Variants in VWC2L observed in about 807,000 individuals in gnomAD.
VWC2L encodes von Willebrand factor C domain-containing protein 2-like.
In VWC2L, 10 loss-of-function variants were observed where a neutral mutation model predicts 21.6. The ratio of observed to expected loss-of-function variants is 0.46; its 90% CI spans 0.29 to 0.78. VWC2L has a LOEUF of 0.78. Among genes scored for constraint, VWC2L ranks in the 30% least tolerant of loss-of-function variants. The probability of loss-of-function intolerance (pLI) is 0.10; values close to 1 mark genes in which losing one functional copy is unlikely to be tolerated. For missense variants in VWC2L, 209 were observed against 277.1 expected, an observed-to-expected ratio of 0.75 and a Z score of 1.74; for synonymous variants, 96 against 94.3, an observed-to-expected ratio of 1.02 and a Z score of -0.10.
intron 3 of VWC2L, among the ~76,000 whole-genome samples, chr2:214,518,022 C>A (rs1689172670): frequency 6.6e-6 from 1 of 152,096 alleles, no homozygotes; most frequent in Non-Finnish European, 1.5e-5. Flanking sequence ...AAAAATTAGC[C>A]AGGCGTAGTG....
At chr2:214,476,993 C>G (rs1306599728) in intron 3 of VWC2L, among the ~76,000 whole-genome samples, 2 of 152,110 alleles carry the variant, frequency 1.3e-5, no homozygotes, top group African/African-American at 4.8e-5. Context: ...ACTCAGGAAA[C>G]TAACTTTTAT....
intron 3 of VWC2L, among the ~76,000 whole-genome samples, chr2:214,467,963 T>C (rs529177939): frequency 6.6e-6 from 1 of 152,142 alleles, no homozygotes; most frequent in Admixed American, 6.5e-5. Context: ...CTGGGCAACA[T>C]AGTGAGACAT....
chr2:214,439,318 C>T (rs1291182111), intron 3 of VWC2L, among the ~76,000 whole-genome samples: 4 of 151,776 alleles, frequency 2.6e-5, no homozygotes, highest in Non-Finnish European at 5.9e-5. Context: ...CTTAAGTTTC[C>T]AACACATGAT....
intron 2 of VWC2L, among the ~76,000 whole-genome samples, chr2:214,424,255 A>G (rs6435825): frequency 0.051 from 7,711 of 152,248 alleles, 595 homozygotes; most frequent in African/African-American, 0.17. Context: ...GATTGTTCAT[A>G]AGGGTTTCAG....
intron 3 of VWC2L, among the ~76,000 whole-genome samples, chr2:214,481,368 CTA>C (rs1460819420): frequency 6.6e-6 from 1 of 152,160 alleles, no homozygotes; most frequent in East Asian, 1.9e-4. Flanking sequence ...TTATGAGAGA[CTA>C]TGTGGAGAAA....
rs1160746185 is a variant in VWC2L, at chr2:214,501,003, G to A, written c.520+64245G>A. Among the ~76,000 whole-genome samples, 3 of 152,090 alleles carry A rather than the reference G, an allele frequency of 2.0e-5. No homozygotes were observed. In the East Asian group the frequency reaches 5.8e-4, roughly 29 times the overall value. ...CCTATAAACAGCATCTCTCTTCCTTGAATTGAGAAATAAAATAACACAGTA... is the reference window on the plus strand; with the variant it reads ...CCTATAAACAGCATCTCTCTTCCTTAAATTGAGAAATAAAATAACACAGTA... On this transcript the variant is annotated intron_variant, in intron 3 of 3. Coordinates refer to ENST00000312504, the MANE Select transcript of VWC2L (RefSeq NM_001080500.4).
At chr2:214,539,007 G>T (rs557348574) in intron 3 of VWC2L, among the ~76,000 whole-genome samples, 2 of 152,214 alleles carry the variant, frequency 1.3e-5, no homozygotes, top group South Asian at 2.1e-4. Context: ...GATCTTCCTT[G>T]CATGAATGGA....
intron 3 of VWC2L, among the ~76,000 whole-genome samples, chr2:214,493,160 G>A (rs1490190825): frequency 2.0e-5 from 3 of 152,144 alleles, no homozygotes; most frequent in Non-Finnish European, 4.4e-5. Flanking sequence ...GAGAAAATTA[G>A]GCAAAATGTA....
At chr2:214,554,725 C>T (rs1689849167) in intron 3 of VWC2L, among the ~76,000 whole-genome samples, 1 of 152,088 alleles carries the variant, frequency 6.6e-6, no homozygotes, top group South Asian at 2.1e-4. Context: ...CAAGCACTCA[C>T]ATTAAAAGAG....
chr2:214,560,544 G>C (rs1458336853), intron 3 of VWC2L, among the ~76,000 whole-genome samples: 1 of 152,128 alleles, frequency 6.6e-6, no homozygotes, highest in Non-Finnish European at 1.5e-5. Flanking sequence ...CAAGGAACTA[G>C]GCAGTTTTCA....
At chr2:214,418,582 C>A (rs1258349260) in intron 2 of VWC2L, among the ~76,000 whole-genome samples, 1 of 152,154 alleles carries the variant, frequency 6.6e-6, no homozygotes, top group African/African-American at 2.4e-5. Context: ...CCCTTCGAGG[C>A]TAGCGACACT....
chr2:214,569,515 G>T (rs1473146451), intron 3 of VWC2L, among the ~76,000 whole-genome samples: 1 of 152,176 alleles, frequency 6.6e-6, no homozygotes, highest in African/African-American at 2.4e-5. Flanking sequence ...ACCATGGCCA[G>T]TTTCAAGCTA....
intron 3 of VWC2L, among the ~76,000 whole-genome samples, chr2:214,568,416 G>A (rs1364615561): frequency 6.6e-6 from 1 of 152,154 alleles, no homozygotes; most frequent in Admixed American, 6.6e-5. Flanking sequence ...ATATTATTAT[G>A]TATTAGTCTG....
chr2:214,530,636 G>A (rs913251151), intron 3 of VWC2L, among the ~76,000 whole-genome samples: 3 of 152,018 alleles, frequency 2.0e-5, no homozygotes, highest in Non-Finnish European at 4.4e-5. Flanking sequence ...AGCAGTGAGA[G>A]GATAGAAAAG....
At chr2:214,477,500 AG>A (rs1688541863) in intron 3 of VWC2L, among the ~76,000 whole-genome samples, 1 of 152,206 alleles carries the variant, frequency 6.6e-6, no homozygotes, top group African/African-American at 2.4e-5. Context: ...CTCTGGAAAA[AG>A]TCCAGTCCTG....
intron 3 of VWC2L, among the ~76,000 whole-genome samples, chr2:214,440,197 T>G (rs1260768363): frequency 1.3e-5 from 2 of 151,998 alleles, no homozygotes; most frequent in Admixed American, 1.3e-4. Flanking sequence ...TAAGGAAAGA[T>G]ATGAATGACT....
intron 2 of VWC2L, among the ~76,000 whole-genome samples, chr2:214,420,799 GATTAATTCC>G (rs1358463781): frequency 7.9e-5 from 12 of 152,308 alleles, no homozygotes; most frequent in Non-Finnish European, 8.8e-5. Context: ...AGGTTGAGAA[GATTAATTCC>G]ATAATTATTG....
At chr2:214,418,016 T>C (rs76478395) in intron 2 of VWC2L, among the ~76,000 whole-genome samples, 8,687 of 152,192 alleles carry the variant, frequency 0.057, 759 homozygotes, top group African/African-American at 0.2. Context: ...GGTGGCTTTT[T>C]TTCCCTGTGT....
chr2:214,477,787 TTCAC>T (rs1217144153), intron 3 of VWC2L, among the ~76,000 whole-genome samples: 2 of 152,278 alleles, frequency 1.3e-5, no homozygotes, highest in African/African-American at 4.8e-5. Context: ...TTCTTTGAGT[TTCAC>T]TCATTGTTAG....
Sources: allele counts gnomAD v4.1 joint callset (sites outside exome capture counted in the v4.1 genomes callset), GRCh38; gene constraint gnomAD v4.1.1; transcripts MANE v1.5; gene names NCBI Gene and HGNC (gene_info 2026-07-23, HGNC 2026-07-21).